MALRD1: variants seen among roughly 807,000 people sequenced by gnomAD.
MALRD1 encodes MAM and LDL-receptor class A domain-containing protein 1.
Under a neutral mutation model 242.1 loss-of-function variants are expected in MALRD1, and 247 were observed. The observed-to-expected ratio is 1.02, with a 90% CI of 0.92 to 1.13. The LOEUF (loss-of-function observed/expected upper bound fraction) is 1.13, where lower values mean the gene tolerates loss of function less well. Among genes scored for constraint, MALRD1 ranks in the 50% most tolerant of loss-of-function variants. MALRD1 has a pLI of 0.00. For synonymous variants in MALRD1, 995 were observed against 866.6 expected (o/e 1.15, Z -2.60); for missense variants, 2,989 against 2,533.1 (o/e 1.18, Z -3.86).
intron 34 of MALRD1, among the ~76,000 whole-genome samples, chr10:19,602,171 T>TG (rs1838378824): frequency 8.8e-6 from 1 of 114,178 alleles, no homozygotes; most frequent in African/African-American, 3.3e-5. Context: ...TTTTTTTTTT[T>TG]GTCCGTCTTT....
At chr10:19,429,219 T>A (rs1399844604) in intron 28 of MALRD1, among the ~76,000 whole-genome samples, 1 of 152,228 alleles carries the variant, frequency 6.6e-6, no homozygotes, top group East Asian at 1.9e-4. Context: ...ATTGAGTGAC[T>A]TGTCCAAAGT....
At chr10:19,554,071 A>G (rs1007055162) in intron 32 of MALRD1, among the ~76,000 whole-genome samples, 5 of 152,228 alleles carry the variant, frequency 3.3e-5, no homozygotes, top group African/African-American at 1.2e-4. Context: ...AGAAACAGGC[A>G]GTAAGCAGAA....
intron 19 of MALRD1, among the ~76,000 whole-genome samples, chr10:19,272,705 C>G (rs1157702360): frequency 2.0e-5 from 3 of 152,052 alleles, no homozygotes; most frequent in Non-Finnish European, 4.4e-5. Flanking sequence ...ACCACAGGCT[C>G]CGGTGTGTAA....
At chr10:19,361,217 A>G (rs973162942) in intron 26 of MALRD1, among the ~76,000 whole-genome samples, 4 of 152,184 alleles carry the variant, frequency 2.6e-5, no homozygotes, top group African/African-American at 9.6e-5. Flanking sequence ...ATGTGAACAT[A>G]TACTATACAC....
At chr10:19,602,756 T>A (rs1419670038) in intron 34 of MALRD1, among the ~76,000 whole-genome samples, 1 of 152,160 alleles carries the variant, frequency 6.6e-6, no homozygotes, top group Non-Finnish European at 1.5e-5. Flanking sequence ...TTCTAGATCC[T>A]TGAGGAATCA....
intron 32 of MALRD1, among the ~76,000 whole-genome samples, chr10:19,552,607 C>G (rs529377074): frequency 6.6e-6 from 1 of 151,850 alleles, no homozygotes; most frequent in Non-Finnish European, 1.5e-5. Context: ...AAGAACACTA[C>G]TATCTCTCAC....
intron 28 of MALRD1, among the ~76,000 whole-genome samples, chr10:19,437,970 CGT>C (rs1834422562): frequency 6.6e-6 from 1 of 152,034 alleles, no homozygotes; most frequent in South Asian, 2.1e-4. Context: ...TTTTTGAGAA[CGT>C]GTCTTTCTCT....
chr10:19,066,576 A>G (rs183149995), intron 1 of MALRD1, 143 bp from the exon 2 acceptor site: 55 of 610,956 alleles, frequency 9.0e-5, no homozygotes, highest in African/African-American at 8.4e-4. Context: ...GCTTTGCATG[A>G]ATAAAGTAGA....
chr10:19,462,678 C>T (rs1300300997), intron 29 of MALRD1, among the ~76,000 whole-genome samples: 2 of 152,158 alleles, frequency 1.3e-5, no homozygotes, highest in African/African-American at 2.4e-5. Context: ...TAATACAGTA[C>T]CTCCTACTAG....
At chr10:19,615,032 A>G (rs1297828338) in intron 35 of MALRD1, among the ~76,000 whole-genome samples, 2 of 152,090 alleles carry the variant, frequency 1.3e-5, no homozygotes, top group East Asian at 3.9e-4. Context: ...GCACTGTGAG[A>G]TGACTATAGT....
chr10:19,125,492 T>C (rs1837254982), intron 7 of MALRD1, among the ~76,000 whole-genome samples: 1 of 150,902 alleles, frequency 6.6e-6, no homozygotes, highest in African/African-American at 2.4e-5. Flanking sequence ...CTTGCTAACA[T>C]ATTAATTTGT....
chr10:19,428,406 A>G (rs540841718), intron 28 of MALRD1, among the ~76,000 whole-genome samples: 1 of 152,158 alleles, frequency 6.6e-6, no homozygotes, highest in East Asian at 1.9e-4. Flanking sequence ...TGAAATTTTA[A>G]TCCCTGAATA....
intron 28 of MALRD1, among the ~76,000 whole-genome samples, chr10:19,443,476 C>T (rs1183905781): frequency 6.6e-6 from 1 of 152,186 alleles, no homozygotes; most frequent in Admixed American, 6.5e-5. Flanking sequence ...AAATTTCCCT[C>T]TACACACTGC....
Position 19,718,119 on chromosome 10 carries a change from AGAAGAAGAGGAAGAAGAG to A in MALRD1, c.6315-12581_6315-12564del, listed in dbSNP as rs1309723347. Among the ~76,000 whole-genome samples the A allele has an allele frequency of 1.4e-3, 203 of 145,836 alleles. 1 individual carries two copies. In the Middle Eastern group the frequency reaches 0.024, roughly 17 times the overall value. On this transcript the variant is annotated intron_variant, in intron 38 of 39. Coordinates refer to ENST00000454679, the MANE Select transcript of MALRD1 (RefSeq NM_001142308.3). The stretch of plus-strand genomic sequence containing the variant: ...AAGAAGAGGAAGAGGAAGAAGAAGA[AGAAGAAGAGGAAGAAGAG>A]GAAGAGGAAGAAGAGGAAGAGGAAA...
intron 5 of MALRD1, among the ~76,000 whole-genome samples, chr10:19,118,620 G>A (rs79699127): frequency 0.012 from 1,779 of 152,262 alleles, 34 homozygotes; most frequent in African/African-American, 0.04. Context: ...ATAGACTGTA[G>A]ATGTTTCTTA....
chr10:19,159,673 G>T (rs1361676488), intron 12 of MALRD1, among the ~76,000 whole-genome samples: 1 of 151,864 alleles, frequency 6.6e-6, no homozygotes, highest in Non-Finnish European at 1.5e-5. Flanking sequence ...GAAAAATAAG[G>T]AAGAATTCAT....
At chr10:19,113,364 G>A (rs895355381) in intron 5 of MALRD1, among the ~76,000 whole-genome samples, 3 of 152,014 alleles carry the variant, frequency 2.0e-5, no homozygotes, top group African/African-American at 4.8e-5. Context: ...GTTCAGCAAC[G>A]CAGTGTCCTC....
At chr10:19,585,987 C>T (rs372214402) in intron 33 of MALRD1, among the ~76,000 whole-genome samples, 4,758 of 152,202 alleles carry the variant, frequency 0.031, 127 homozygotes, top group African/African-American at 0.078. Flanking sequence ...CATCTTCCAT[C>T]GCTGATACCC....
intron 21 of MALRD1, among the ~76,000 whole-genome samples, chr10:19,283,449 A>AAT (rs1458885205): frequency 6.6e-6 from 1 of 152,136 alleles, no homozygotes; most frequent in African/African-American, 2.4e-5. Flanking sequence ...AAGCCCTGTT[A>AAT]GTATATTGTT....
Sources: gnomAD v4.1 joint callset for allele counts (sites outside exome capture counted in the v4.1 genomes callset) on GRCh38, gnomAD v4.1.1 for gene constraint, MANE v1.5 for transcripts, NCBI Gene and HGNC (gene_info 2026-07-23, HGNC 2026-07-21) for gene names.